The following BTBD9 variants were observed in gnomAD, a reference collection of about 807,000 sequenced individuals.
BTBD9 encodes the protein BTB/POZ domain-containing protein 9.
BTBD9 carries 49 observed loss-of-function variants against 64.3 expected under a neutral mutation model. The observed-to-expected ratio is 0.76, with a 90% CI of 0.61 to 0.97. The LOEUF (loss-of-function observed/expected upper bound fraction) is 0.97. BTBD9 is among the 50% of genes least tolerant of loss of function. The probability of loss-of-function intolerance (pLI) is 0.00; values close to 1 mark genes in which losing one functional copy is unlikely to be tolerated. For synonymous variants in BTBD9, 260 were observed against 274.7 expected (o/e 0.95, Z 0.53); for missense variants, 598 against 762.1 (o/e 0.78, Z 2.53).
intron 6 of BTBD9, among the ~76,000 whole-genome samples, chr6:38,540,283 T>G (rs1483307857): frequency 6.6e-6 from 1 of 151,548 alleles, no homozygotes; most frequent in South Asian, 2.1e-4. Context: ...CATTGGCATG[T>G]AATAAGTGCT....
chr6:38,344,871 C>T (rs1480282365), intron 7 of BTBD9, 113 bp downstream of exon 7: 1 of 556,958 alleles, frequency 1.8e-6, no homozygotes, highest in Non-Finnish European at 3.0e-6. Context: ...AGCAATAAGG[C>T]ATTTAAATCA....
In BTBD9 at chr6:38,390,493, A is replaced by T. The variant is rs78652493; in HGVS notation, c.1155-45400T>A. 1.0e-3 allele frequency among the ~76,000 whole-genome samples: 155 copies of T among 152,360 alleles called. 4 individuals are homozygous for T. In the East Asian group the frequency reaches 0.016, roughly 16 times the overall value. ...AGCAGTTATCCAATATAAACCCCAG[A>T]GAGCATTCTGAAGAAACAATAACAG... On this transcript the variant is annotated intron_variant, in intron 6 of 10. Coordinates refer to ENST00000481247, the MANE Select transcript of BTBD9 (RefSeq NM_001099272.2).
intron 1 of BTBD9, among the ~76,000 whole-genome samples, chr6:38,626,195 T>C (rs1778161286): frequency 6.6e-6 from 1 of 152,224 alleles, no homozygotes; most frequent in African/African-American, 2.4e-5. Context: ...ATAGTAGGTA[T>C]ATACATTTAT....
chr6:38,540,314 G>A (rs905265877), intron 6 of BTBD9, among the ~76,000 whole-genome samples: 5 of 148,232 alleles, frequency 3.4e-5, no homozygotes, highest in African/African-American at 1.2e-4. Context: ...ACACACGGTG[G>A]AGGTATAATA....
intron 6 of BTBD9, among the ~76,000 whole-genome samples, chr6:38,560,331 T>A (rs1775211313): frequency 6.6e-6 from 1 of 152,084 alleles, no homozygotes; most frequent in Non-Finnish European, 1.5e-5. Context: ...TCACTAATCA[T>A]CAGAGAAATG....
chr6:38,528,444 G>A (rs1773615729), intron 6 of BTBD9, among the ~76,000 whole-genome samples: 2 of 152,152 alleles, frequency 1.3e-5, no homozygotes, highest in African/African-American at 4.8e-5. Flanking sequence ...ACACAAGCCA[G>A]GGTGGCCACG....
intron 6 of BTBD9, among the ~76,000 whole-genome samples, chr6:38,476,282 G>C (rs969242638): frequency 6.6e-5 from 10 of 152,192 alleles, no homozygotes; most frequent in Non-Finnish European, 1.3e-4. Flanking sequence ...GTACTTGTAA[G>C]GCTACATCTT....
In BTBD9 at chr6:38,347,043, C is replaced by A. The variant is rs2294737; in HGVS notation, c.1155-1950G>T. On this transcript the variant is annotated intron_variant, in intron 6 of 10. Coordinates refer to ENST00000481247, the MANE Select transcript of BTBD9 (RefSeq NM_001099272.2). ...TAAGGTTAATATATTCCAGGCTGAC[C>A]TAAGGGATGCAATAACCTTCCTTCC... Among the ~76,000 whole-genome samples the A allele has an allele frequency of 8.0e-3, 1,217 of 152,266 alleles. 8 individuals carry two copies. The highest frequency in any genetic ancestry group is 0.041 in the Middle Eastern group (12 of 294).
At chr6:38,411,468 T>C (rs533511621) in intron 6 of BTBD9, among the ~76,000 whole-genome samples, 10 of 152,138 alleles carry the variant, frequency 6.6e-5, no homozygotes, top group East Asian at 5.8e-4. Flanking sequence ...TTAATAAGTA[T>C]TGTTGGGTTA....
At chr6:38,302,625 C>G (rs909248367) in intron 7 of BTBD9, among the ~76,000 whole-genome samples, 1 of 150,880 alleles carries the variant, frequency 6.6e-6, no homozygotes, top group African/African-American at 2.4e-5. Context: ...GTGAAGATAT[C>G]TCTGTCATAG....
At chr6:38,499,261 G>A (rs1425185062) in intron 6 of BTBD9, among the ~76,000 whole-genome samples, 1 of 151,998 alleles carries the variant, frequency 6.6e-6, no homozygotes, top group South Asian at 2.1e-4. Flanking sequence ...CTGCTCACAG[G>A]GACCGCCCGC....
At chr6:38,639,252 G>A (rs1052543125) in intron 1 of BTBD9, among the ~76,000 whole-genome samples, 1 of 152,226 alleles carries the variant, frequency 6.6e-6, no homozygotes, top group African/African-American at 2.4e-5. Flanking sequence ...CTAGGCAACA[G>A]GTTGGCTGCC....
chr6:38,397,934 G>A (rs1487233274), intron 6 of BTBD9, among the ~76,000 whole-genome samples: 11 of 152,186 alleles, frequency 7.2e-5, no homozygotes, highest in South Asian at 2.1e-4. Context: ...CAGGTTTACC[G>A]AAGGAGCAGG....
intron 6 of BTBD9, among the ~76,000 whole-genome samples, chr6:38,422,184 C>G (rs1278857277): frequency 6.6e-6 from 1 of 152,050 alleles, no homozygotes; most frequent in Non-Finnish European, 1.5e-5. Context: ...CTTTATGGTA[C>G]AGCTAGAACA....
chr6:38,411,195 T>C (rs549845656), intron 6 of BTBD9, among the ~76,000 whole-genome samples: 1 of 152,250 alleles, frequency 6.6e-6, no homozygotes, highest in South Asian at 2.1e-4. Flanking sequence ...CCATAACCCA[T>C]TCCCCATCAA....
intron 7 of BTBD9, among the ~76,000 whole-genome samples, chr6:38,292,013 G>T (rs188035800): frequency 2.0e-5 from 3 of 151,286 alleles, no homozygotes; most frequent in African/African-American, 7.3e-5. Flanking sequence ...CCAGGCCGGA[G>T]TGCAGTAGCG....
chr6:38,526,602 C>T (rs1010417793), intron 6 of BTBD9, among the ~76,000 whole-genome samples: 1 of 152,200 alleles, frequency 6.6e-6, no homozygotes, highest in Non-Finnish European at 1.5e-5. Context: ...GACACCAGCC[C>T]ATGAAGGAGC....
At chr6:38,602,658 G>T (rs1165587183) in intron 1 of BTBD9, among the ~76,000 whole-genome samples, 9 of 151,820 alleles carry the variant, frequency 5.9e-5, no homozygotes, top group African/African-American at 1.9e-4. Flanking sequence ...AAATATGTCA[G>T]TAAGTTTGGC....
intron 7 of BTBD9, among the ~76,000 whole-genome samples, chr6:38,320,800 G>A (rs549260503): frequency 5.9e-5 from 9 of 152,316 alleles, no homozygotes; most frequent in African/African-American, 2.2e-4. Flanking sequence ...TCCCCATGTG[G>A]AATGGGTAGG....
Sources: gnomAD v4.1 joint callset for allele counts (sites outside exome capture counted in the v4.1 genomes callset) on GRCh38, gnomAD v4.1.1 for gene constraint, MANE v1.5 for transcripts, NCBI Gene and HGNC (gene_info 2026-07-23, HGNC 2026-07-21) for gene names.